CPAMD8: variants seen among roughly 807,000 people sequenced by gnomAD.
CPAMD8 encodes C3 and PZP-like alpha-2-macroglobulin domain-containing protein 8.
A neutral mutation model predicts 224.7 loss-of-function variants in CPAMD8; 146 were observed. That is an observed-to-expected ratio of 0.65 (90% CI 0.57 to 0.75). CPAMD8 has a LOEUF of 0.75. Ranked by LOEUF, CPAMD8 falls within the 30% of genes least tolerant of loss-of-function variation. The pLI is 0.00. For synonymous variants in CPAMD8, 966 were observed against 1,044.6 expected, an observed-to-expected ratio of 0.92 and a Z score of 1.45; for missense variants, 2,301 against 2,537.5, an observed-to-expected ratio of 0.91 and a Z score of 2.00.
At chr19:16,947,045 G>A in intron 21 of CPAMD8, 29 bp downstream of exon 21, 2 of 1,562,332 alleles carry the variant, frequency 1.3e-6, no homozygotes, top group African/African-American at 2.7e-5. Flanking sequence ...TGGAGAGGGG[G>A]GACACCCCAA....
At position 16,928,141 on chromosome 19, in the gene CPAMD8, C is replaced by T. The variant is rs940234591; in HGVS notation, c.3238G>A (p.Gly1080Ser). ...CGGAATTCACCCATGGAGCCCCAGC[C>T]GGTGGAAAAGCCAATGAACTGGACC... ...PEVQFIGFSTGWGSMGEFRIW... is the reference protein window; with the variant it reads ...PEVQFIGFSTSWGSMGEFRIW... The change falls in exon 25 of 42, where the codon GGC becomes AGC. Residue 1080 changes from glycine (G) to serine (S), a missense_variant. This residue lies in a region of CPAMD8 where 1,709 missense variants were observed against 1,753.2 expected (regional missense o/e 0.97). Coordinates refer to ENST00000443236, the MANE Select transcript of CPAMD8 (RefSeq NM_015692.5). 2.2e-5 allele frequency: 36 copies of T among 1,614,030 alleles called. No individual in the cohort carries two copies. The highest frequency in any genetic ancestry group is 2.5e-5 in the Non-Finnish European group (29 of 1,180,046).
intron 12 of CPAMD8, among the ~76,000 whole-genome samples, chr19:16,991,871 A>G (rs1406812329): frequency 6.7e-6 from 1 of 149,716 alleles, no homozygotes; most frequent in Non-Finnish European, 1.5e-5. Flanking sequence ...AAAAAACAAC[A>G]GAACAGTGGC....
At chr19:16,941,419 G>A (rs968651381) in intron 22 of CPAMD8, among the ~76,000 whole-genome samples, 1 of 152,172 alleles carries the variant, frequency 6.6e-6, no homozygotes, top group Non-Finnish European at 1.5e-5. Context: ...AGTGAGAGAA[G>A]CCAGACTCAA....
In CPAMD8 at chr19:16,898,095, T is replaced by G; in HGVS notation, c.4849-101A>C. ...TGATTTCAGGGATACCCAGGACGCG[T>G]GAAACACAGAAGAAACGTGATCCCA... is the stretch of plus-strand genomic sequence containing the variant. On this transcript the variant is annotated intron_variant, in intron 37 of 41. Transcript: ENST00000443236. The surrounding 1 kb of genome is among the most constrained non-coding windows in gnomAD (Gnocchi z 4.2). 4.1e-6 allele frequency: 3 copies of G among 725,866 alleles called. No individual in the cohort carries two copies. Among genetic ancestry groups the G allele is most frequent in the Admixed American group, 2.9e-5 (1 of 34,846 alleles). 45.0% of individuals were successfully genotyped at this position (725,866 alleles called of 1,614,324 possible).
intron 32 of CPAMD8, 50 bp downstream of exon 32, chr19:16,904,176 A>ACGCCCCCCCCCCCCCC: frequency 2.1e-6 from 2 of 937,340 alleles, no homozygotes; most frequent in Non-Finnish European, 1.7e-6. Context: ...GACTGCAGGG[A>ACGCCCCCCCCCCCCCC]CCCCACCCAC....
chr19:16,939,310 C>T (rs543741647), intron 22 of CPAMD8, among the ~76,000 whole-genome samples: 5 of 152,138 alleles, frequency 3.3e-5, no homozygotes, highest in Admixed American at 2.0e-4. Context: ...TGGGTTTAAG[C>T]AAGTCTCATG....
At position 16,980,746 on chromosome 19, in the gene CPAMD8, G is replaced by A. The variant is rs2055484357; in HGVS notation, c.1396-60C>T. 2.2e-6 allele frequency: 3 copies of A among 1,367,508 alleles called. No individual in the cohort carries two copies. The Admixed American group carries it at 7.5e-5, about 34-fold the overall frequency. 84.7% of individuals were successfully genotyped at this position (1,367,508 alleles called of 1,614,324 possible). A position where few individuals can be genotyped will look rare whatever the true frequency, so the allele number is the denominator to read the frequency against. On this transcript the variant is annotated intron_variant, in intron 13 of 41. Coordinates refer to ENST00000443236, the MANE Select transcript of CPAMD8 (RefSeq NM_015692.5). ...CGCACCAATGTTGCAACCCACCACA[G>A]GAAGACGGCCATTCTGGGGCCAGAG...
chr19:16,914,326 C>T (rs1453596171), intron 29 of CPAMD8, 98 bp downstream of exon 29: 1 of 925,834 alleles, frequency 1.1e-6, no homozygotes, highest in Non-Finnish European at 1.8e-6. Context: ...AGAAGGAGGG[C>T]AGGGAGGAAG....
chr19:17,009,154 G>T, intron 6 of CPAMD8, 149 bp downstream of exon 6: 2 of 1,319,526 alleles, frequency 1.5e-6, no homozygotes, highest in South Asian at 1.3e-5. Flanking sequence ...CGGACCCAGG[G>T]ACCAGGATAG....
rs571253075 is a variant in CPAMD8 at position 16,903,225 on chromosome 19, G to A, written c.4470+336C>T. Among the ~76,000 whole-genome samples, 363 of 152,020 alleles carry A rather than the reference G, an allele frequency of 2.4e-3. 3 individuals carry two copies. Among genetic ancestry groups the A allele is most frequent in the Admixed American group, 5.3e-3 (81 of 15,266 alleles). On this transcript the variant is annotated intron_variant, in intron 34 of 41. Transcript: ENST00000443236. ...GCCCTCTGACTGCCAGTCAGAACCC[G>A]TGACATGCACCTGCCCCAGCCTGGT... is the stretch of plus-strand genomic sequence containing the variant.
chr19:17,002,752 G>A (rs1359196412), intron 8 of CPAMD8, among the ~76,000 whole-genome samples: 1 of 152,056 alleles, frequency 6.6e-6, no homozygotes, highest in Non-Finnish European at 1.5e-5. Context: ...TTCTCCATTT[G>A]CTTCTGGACT....
At chr19:16,983,252 A>C (rs1176370506) in intron 13 of CPAMD8, among the ~76,000 whole-genome samples, 1 of 152,114 alleles carries the variant, frequency 6.6e-6, no homozygotes, top group South Asian at 2.1e-4. Flanking sequence ...AAATACAAAA[A>C]TTAGCAAGGC....
chr19:16,964,704 C>A (rs998596582), intron 18 of CPAMD8, among the ~76,000 whole-genome samples: 20 of 152,134 alleles, frequency 1.3e-4, no homozygotes, highest in Non-Finnish European at 2.5e-4. Flanking sequence ...CAGCATCATC[C>A]TGATACCAAA....
At chr19:16,912,736 G>A (rs192970407) in intron 29 of CPAMD8, among the ~76,000 whole-genome samples, 16 of 152,136 alleles carry the variant, frequency 1.1e-4, no homozygotes, top group South Asian at 4.2e-4. Context: ...CCCAGGAGGC[G>A]GAGGTTGCAG....
chr19:16,941,619 G>A (rs1332817530), intron 22 of CPAMD8, among the ~76,000 whole-genome samples: 1 of 152,156 alleles, frequency 6.6e-6, no homozygotes, highest in Non-Finnish European at 1.5e-5. Context: ...GATCATGGGG[G>A]CGGATTTCCC....
At chr19:16,894,497 C>T (rs1003774663) in intron 41 of CPAMD8, 1 of 456,136 alleles carries the variant, frequency 2.2e-6, no homozygotes, top group African/African-American at 2.0e-5. Flanking sequence ...TGGGACCCCA[C>T]ACCCCTTTCC....
Position 16,903,827 on chromosome 19 carries a change from C to T in CPAMD8, c.4282G>A (p.Glu1428Lys), listed in dbSNP as rs770928378. The stretch of plus-strand genomic sequence containing the variant: ...CCAGCATAGGACAAGATGGCATATT[C>T]AGCCAAGGCCTGCAGAGCCACGCAG... ...DTCVALQALAEYAILSYAGGI... is the reference protein window; with the variant it reads ...DTCVALQALAKYAILSYAGGI... Residue 1428 changes from glutamate to lysine, a missense_variant, in exon 33 of 42, where the codon GAA (glutamate) becomes AAA (lysine). By Grantham distance (56) the Glu-to-Lys change is moderately conservative. Coordinates refer to ENST00000443236, the MANE Select transcript of CPAMD8 (RefSeq NM_015692.5). 1 of 1,614,018 alleles carries T rather than the reference C, an allele frequency of 6.2e-7. No individual in the cohort carries two copies. Among genetic ancestry groups the T allele is most frequent in the East Asian group, 2.2e-5 (1 of 44,882 alleles).
At chr19:16,966,250 G>A (rs1208384982) in intron 18 of CPAMD8, among the ~76,000 whole-genome samples, 5 of 152,170 alleles carry the variant, frequency 3.3e-5, no homozygotes, top group East Asian at 1.9e-4. Flanking sequence ...GAATGGATTC[G>A]CTATTTAATA....
intron 8 of CPAMD8, among the ~76,000 whole-genome samples, chr19:17,003,786 A>G (rs1037022323): frequency 7.9e-5 from 12 of 151,440 alleles, no homozygotes; most frequent in African/African-American, 2.4e-4. Flanking sequence ...CTCAAAAAAA[A>G]AAAAAAAGTA....
Sources: allele counts gnomAD v4.1 joint callset (sites outside exome capture counted in the v4.1 genomes callset), GRCh38; gene constraint gnomAD v4.1.1; regional missense constraint gnomAD v4.1.1; non-coding constraint Gnocchi (gnomAD v3.1); transcripts MANE v1.5; gene names NCBI Gene and HGNC (gene_info 2026-07-23, HGNC 2026-07-21).